CDK9: variants seen among roughly 807,000 people sequenced by gnomAD.
The protein encoded by CDK9 is cyclin dependent kinase 9, also known as cyclin-dependent kinase 9.
In CDK9, 34 loss-of-function variants were observed where a neutral mutation model predicts 39.0. The ratio of observed to expected loss-of-function variants is 0.87; its 90% CI spans 0.66 to 1.16. CDK9 has a LOEUF of 1.16. CDK9 is among the 50% of genes most tolerant of loss of function. The pLI is 0.00. For missense variants in CDK9, 369 were observed against 503.2 expected (o/e 0.73, Z 2.55); for synonymous variants, 233 against 196.2 (o/e 1.19, Z -1.57).
chr9:127,787,630 A>G (rs1323464709), intron 3 of CDK9, 22 bp downstream of exon 3: 1 of 1,527,406 alleles, frequency 6.5e-7, no homozygotes, highest in Non-Finnish European at 9.1e-7. Context: ...GGTTCTTACG[A>G]GAAGATGACA....
chr9:127,787,755 G>A (rs1829356667), intron 3 of CDK9, 147 bp downstream of exon 3: 2 of 847,702 alleles, frequency 2.4e-6, no homozygotes, highest in Non-Finnish European at 3.8e-6. Context: ...CATCGTAGCT[G>A]GTGCTTCCTC....
Position 127,788,074 on chromosome 9 carries a change from G to C in CDK9, c.393G>C (p.Gln131His). ...TGTCTGAGATCAAGAGGGTGATGCA[G>C]ATGCTGCTTAACGGCCTCTACTACA... The part of the protein sequence containing the change: ...FTLSEIKRVM[Q>H]MLLNGLYYIH... The change falls in exon 4 of 7, where the codon CAG (glutamine) becomes CAC (histidine). Residue 131 changes from glutamine (Q) to histidine (H), a missense_variant. Coordinates refer to ENST00000373264, the MANE Select transcript of CDK9 (RefSeq NM_001261.4). 1 of 1,614,252 alleles carries C rather than the reference G, an allele frequency of 6.2e-7. No individual in the cohort carries two copies. The highest frequency in any genetic ancestry group is 8.5e-7 in the Non-Finnish European group (1 of 1,180,054).
Position 127,786,106 on chromosome 9 carries a change from G to T in CDK9, c.-43G>T, listed in dbSNP as rs772188304. 6.7e-6 allele frequency: 10 copies of T among 1,484,402 alleles called. No individual in the cohort carries two copies. Among genetic ancestry groups the T allele is most frequent in the Middle Eastern group, 3.5e-4 (2 of 5,708 alleles). The allele number at this position is 1,484,402 out of a possible 1,614,324, so 92.0% of individuals were successfully genotyped here. A position where few individuals can be genotyped will look rare whatever the true frequency, so the allele number is the denominator to read the frequency against. On this transcript the variant is annotated 5_prime_UTR_variant, in exon 1 of 7. Transcript: ENST00000373264. ...CGGCGGGACCCGGAGCAGGAGCGGC[G>T]GCAGCAGCGACTGGGGGCGGCGGCG...
At chr9:127,787,898 T>A in intron 3 of CDK9, 49 bp from the exon 4 acceptor site, 1 of 1,589,354 alleles carries the variant, frequency 6.3e-7, no homozygotes. Flanking sequence ...TGGGAAAGTG[T>A]GTTGGGTGTG....
rs1050390530 is a variant in CDK9 at position 127,787,503 on chromosome 9, C to A, written c.175-15C>A. ...TGCGCTCACTCTTGACCACTTTCCC[C>A]TCTTTCTCACCCAGTTCCCCATTAC... On this transcript the variant is annotated splice_polypyrimidine_tract_variant and intron_variant, in intron 2 of 6. Transcript: ENST00000373264. 1.9e-6 allele frequency: 3 copies of A among 1,598,566 alleles called. No individual in the cohort carries two copies. The Admixed American group carries it at 5.0e-5, about 27-fold the overall frequency.
At position 127,788,536 on chromosome 9, in the gene CDK9, C is replaced by A. The variant is rs1187532128; in HGVS notation, c.605-8C>A. 3.9e-6 allele frequency: 6 copies of A among 1,555,952 alleles called. No homozygotes were observed. The highest frequency in any genetic ancestry group is 2.7e-5 in the African/African-American group (2 of 73,988). The stretch of plus-strand genomic sequence containing the variant: ...CAAGGGGCCCTCCTGGTGCGCTCTT[C>A]TTCCCAGGGGAGCGGGACTACGGCC... On this transcript the variant is annotated splice_region_variant and splice_polypyrimidine_tract_variant and intron_variant, in intron 5 of 6. Coordinates refer to ENST00000373264, the MANE Select transcript of CDK9 (RefSeq NM_001261.4).
chr9:127,788,254 C>G lies in CDK9; in HGVS notation c.473C>G (p.Thr158Ser), dbSNP rs1356089042. 1 of 1,613,856 alleles carries G rather than the reference C, an allele frequency of 6.2e-7. No individual in the cohort carries two copies. The highest frequency in any genetic ancestry group is 1.7e-5 in the Admixed American group (1 of 60,030). ...RDMKAANVLI[T>S]RDGVLKLADF... ...ATGAAGGCTGCTAATGTGCTTATCA[C>G]TCGTGATGGGGTCCTGAAGCTGGCA... The change falls in exon 5 of 7, where the codon ACT becomes AGT. Residue 158 changes from threonine (T) to serine (S), a missense_variant. Coordinates refer to ENST00000373264, the MANE Select transcript of CDK9 (RefSeq NM_001261.4).
At chr9:127,788,447 C>T (rs1007646763) in intron 5 of CDK9, 62 bp downstream of exon 5, 6 of 1,557,102 alleles carry the variant, frequency 3.9e-6, no homozygotes, top group African/African-American at 1.4e-5. Context: ...CCCCTTCCCC[C>T]CAACTGCCAG....
In CDK9 at chr9:127,789,148, C is replaced by T; in HGVS notation, c.754-30C>T. On this transcript the variant is annotated intron_variant, in intron 6 of 6. Coordinates refer to ENST00000373264, the MANE Select transcript of CDK9 (RefSeq NM_001261.4). The surrounding 1 kb of genome is among the most constrained non-coding windows in gnomAD (Gnocchi z 5.2). ...AGCCACGCACCTCCTGACCGGACTC[C>T]ATATTCTCTCAACGCCCCCTCCCTC... 1 of 1,538,178 alleles carries T rather than the reference C, an allele frequency of 6.5e-7. No individual in the cohort carries two copies. Among genetic ancestry groups the T allele is most frequent in the Non-Finnish European group, 8.8e-7 (1 of 1,140,852 alleles).
At chr9:127,786,463 C>G (rs1224131793) in intron 1 of CDK9, among the ~76,000 whole-genome samples, 1 of 152,142 alleles carries the variant, frequency 6.6e-6, no homozygotes, top group Non-Finnish European at 1.5e-5. Context: ...GAGAGGCGCC[C>G]GTGAGGGGAG....
intron 1 of CDK9, 31 bp from the exon 2 acceptor site, chr9:127,786,670 T>G (rs368523668): frequency 3.3e-5 from 53 of 1,598,474 alleles, no homozygotes; most frequent in South Asian, 4.4e-5. Context: ...AATGGCCTGA[T>G]GAGTTCTCGG....
In CDK9 at chr9:127,786,724, G is replaced by GC; in HGVS notation, c.117dup (p.Lys40GlnfsTer44). 6.2e-7 allele frequency: 1 copy of GC among 1,613,996 alleles called. No homozygotes were observed. Among genetic ancestry groups the GC allele is most frequent in the Non-Finnish European group, 8.5e-7 (1 of 1,179,946 alleles). On this transcript the variant is annotated frameshift_variant, in exon 2 of 7. Transcript: ENST00000373264. LOFTEE classifies it high-confidence loss of function. ...AGGGAGGTGTTCAAGGCCAGGCACC[G>GC]CAAGACCGGCCAGAAGGTGGCTCTG...
At position 127,787,514 on chromosome 9, in the gene CDK9, C is replaced by G; in HGVS notation, c.175-4C>G. The G allele has an allele frequency of 6.2e-7, 1 of 1,607,850 alleles. No homozygotes were observed. Among genetic ancestry groups the G allele is most frequent in the Non-Finnish European group, 8.5e-7 (1 of 1,174,406 alleles). ...TTGACCACTTTCCCCTCTTTCTCAC[C>G]CAGTTCCCCATTACAGCCTTGCGGG... On this transcript the variant is annotated splice_region_variant and splice_polypyrimidine_tract_variant and intron_variant, in intron 2 of 6. Transcript: ENST00000373264.
intron 2 of CDK9, among the ~76,000 whole-genome samples, chr9:127,787,106 C>G (rs1488898603): frequency 2.0e-5 from 3 of 152,164 alleles, no homozygotes; most frequent in Non-Finnish European, 4.4e-5. Context: ...TGAAAGGTGT[C>G]TGATACTCAA....
chr9:127,789,646 T>C lies in CDK9; in HGVS notation c.*103T>C. The C allele has an allele frequency of 7.0e-7, 1 of 1,425,754 alleles. No individual in the cohort carries two copies. Among genetic ancestry groups the C allele is most frequent in the Non-Finnish European group, 9.4e-7 (1 of 1,064,774 alleles). The allele number at this position is 1,425,754 out of a possible 1,614,324, so 88.3% of individuals were successfully genotyped here. On this transcript the variant is annotated 3_prime_UTR_variant, in exon 7 of 7. Transcript: ENST00000373264. The surrounding 1 kb of genome is among the most constrained non-coding windows in gnomAD (Gnocchi z 5.2). Reference sequence around the variant, plus strand: ...GAGTTTATATCTCTCATGCATATTTTATTTAATCCCCACCCTGGGCTCTGG... The same window carrying C: ...GAGTTTATATCTCTCATGCATATTTCATTTAATCCCCACCCTGGGCTCTGG...
Position 127,788,047 on chromosome 9 carries a change from G to C in CDK9, c.366G>C (p.Thr122=). Residue 122 remains threonine, a synonymous_variant, in exon 4 of 7, where the codon ACG becomes ACC. Transcript: ENST00000373264. ...TGAGCAATGTTTTGGTCAAGTTCACGCTGTCTGAGATCAAGAGGGTGATGC... is the reference window on the plus strand; with the variant it reads ...TGAGCAATGTTTTGGTCAAGTTCACCCTGTCTGAGATCAAGAGGGTGATGC... ...GLLSNVLVKF[T]LSEIKRVMQM... is the part of the protein sequence containing the mutation. 1.2e-6 allele frequency: 2 copies of C among 1,614,190 alleles called. No individual in the cohort carries two copies. The highest frequency in any genetic ancestry group is 1.7e-6 in the Non-Finnish European group (2 of 1,180,032).
rs1275578984 is a variant in CDK9, at chr9:127,790,489, G to C, written c.*946G>C. The stretch of plus-strand genomic sequence containing the variant: ...GTGGGCAGAGGGTGAAGGGATCACA[G>C]GGGTCTTGGAAGGTGGCAGTAGTTT... On this transcript the variant is annotated 3_prime_UTR_variant, in exon 7 of 7. Coordinates refer to ENST00000373264, the MANE Select transcript of CDK9 (RefSeq NM_001261.4). The C allele has an allele frequency of 6.6e-6, 1 of 152,414 alleles. No individual in the cohort carries two copies. The highest frequency in any genetic ancestry group is 1.5e-5 in the Non-Finnish European group (1 of 68,146). 9.4% of individuals were successfully genotyped at this position (152,414 alleles called of 1,614,324 possible).
In CDK9 at chr9:127,786,257, C is replaced by A. The variant is rs765016720; in HGVS notation, c.92+17C>A. 6.3e-7 allele frequency: 1 copy of A among 1,597,076 alleles called. No individual in the cohort carries two copies. The highest frequency in any genetic ancestry group is 8.5e-7 in the Non-Finnish European group (1 of 1,170,104). On this transcript the variant is annotated intron_variant, in intron 1 of 6. Coordinates refer to ENST00000373264, the MANE Select transcript of CDK9 (RefSeq NM_001261.4). The stretch of plus-strand genomic sequence containing the variant: ...CACCTTCGGGTAAGGCTGGGCCCCT[C>A]GGGGCCGGGAGCCCTGGGCCTGCAC...
chr9:127,787,662 T>C (rs1829355093), intron 3 of CDK9, 54 bp downstream of exon 3: 4 of 1,384,744 alleles, frequency 2.9e-6, no homozygotes, highest in Non-Finnish European at 4.1e-6. Flanking sequence ...AGGTTTTGTT[T>C]GTAAACTTGG....
Sources: gnomAD v4.1 joint callset for allele counts (sites outside exome capture counted in the v4.1 genomes callset) on GRCh38, gnomAD v4.1.1 for gene constraint, Gnocchi (gnomAD v3.1) non-coding constraint, MANE v1.5 for transcripts, NCBI Gene and HGNC (gene_info 2026-07-23, HGNC 2026-07-21) for gene names.